The following PON1 variants were observed in gnomAD, a reference collection of about 807,000 sequenced individuals.
PON1 encodes paraoxonase 1.
PON1 carries 37 observed loss-of-function variants against 39.2 expected under a neutral mutation model. The observed-to-expected ratio is 0.94, with a 90% confidence interval of 0.73 to 1.24. The LOEUF is 1.24. Ranked by LOEUF, PON1 falls within the 50% of genes most tolerant of loss-of-function variation. The pLI is 0.00. For missense variants in PON1, 397 were observed against 413.5 expected (o/e 0.96, Z 0.35); for synonymous variants, 148 against 152.2 (o/e 0.97, Z 0.21).
At position 95,308,155 on chromosome 7, in the gene PON1, T is replaced by C; in HGVS notation, c.554A>G (p.Tyr185Cys). 3 of 1,613,976 alleles carry C rather than the reference T, an allele frequency of 1.9e-6. No individual in the cohort carries two copies. The change falls in exon 6 of 9, where the codon TAT (tyrosine) becomes TGT (cysteine). Residue 185 changes from tyrosine (Y) to cysteine (C), a missense_variant. Tyr to Cys is a radical substitution (Grantham distance 194). Transcript: ENST00000222381. The part of the protein sequence containing the change: ...PEHFYGTNDH[Y>C]FLDPYLQSWE... The stretch of plus-strand genomic sequence containing the variant: ...GGATTGTAAGTAGGGGTCAAGAAAA[T>C]AGTGATCATTTGTGCCATAAAAGTG...
chr7:95,297,868 G>GC lies in PON1; in HGVS notation c.*1075_*1076insG, dbSNP rs1807304660. 2 of 152,142 alleles carry GC rather than the reference G, an allele frequency of 1.3e-5. No individual in the cohort carries two copies. Among genetic ancestry groups the GC allele is most frequent in the Admixed American group, 1.3e-4 (2 of 15,270 alleles). 9.4% of individuals were successfully genotyped at this position (152,142 alleles called of 1,614,324 possible). ...ACACCCTGAAGAAGTAATTCATCATGAAGGTTATACCTTCAAATCAGAAAA... is the reference window on the plus strand; with the variant it reads ...ACACCCTGAAGAAGTAATTCATCATGCAAGGTTATACCTTCAAATCAGAAAA... On this transcript the variant is annotated 3_prime_UTR_variant, in exon 9 of 9. Transcript: ENST00000222381.
intron 8 of PON1, 77 bp downstream of exon 8, chr7:95,302,128 A>ATTT: frequency 3.7e-6 from 4 of 1,070,190 alleles, no homozygotes; most frequent in Non-Finnish European, 5.4e-6. Flanking sequence ...AAAACCAAGA[A>ATTT]TTGAGAATTA....
Position 95,316,770 on chromosome 7 carries a change from C to T in PON1, c.165G>A (p.Leu55=). ...AAGCCAGTCCATTAGGCAGTATCTC[C>T]AAGTCTTCAGAGCCAGTTTCTGCCA... ...VKGIETGSED[L]EILPNGLAFI... is the part of the protein sequence containing the mutation. Residue 55 remains leucine (L), a synonymous_variant, in exon 3 of 9, where the codon TTG becomes TTA. Coordinates refer to ENST00000222381, the MANE Select transcript of PON1 (RefSeq NM_000446.7). The T allele has an allele frequency of 6.2e-7, 1 of 1,613,434 alleles. No individual in the cohort carries two copies. Among genetic ancestry groups the T allele is most frequent in the Non-Finnish European group, 8.5e-7 (1 of 1,179,440 alleles).
In PON1 at chr7:95,324,409, A is replaced by C. The variant is rs146211440; in HGVS notation, c.67T>G (p.Ser23Ala). The C allele has an allele frequency of 3.1e-6, 5 of 1,614,056 alleles. No individual in the cohort carries two copies. Among genetic ancestry groups the C allele is most frequent in the Non-Finnish European group, 4.2e-6 (5 of 1,180,006 alleles). Residue 23 changes from serine to alanine, a missense_variant, in exon 1 of 9, where the codon TCT (serine) becomes GCT (alanine). By Grantham distance (99) the Ser-to-Ala change is moderately conservative. Coordinates refer to ENST00000222381, the MANE Select transcript of PON1 (RefSeq NM_000446.7). ...GLALFRNHQS[S>A]YQTRLNALRE... Reference sequence around the variant, plus strand: ...CACCACAACCCAACTTACTGGTAAGAAGACTGGTGGTTCCTGAAGAGTGCC... The same window carrying C: ...CACCACAACCCAACTTACTGGTAAGCAGACTGGTGGTTCCTGAAGAGTGCC...
chr7:95,301,841 A>C (rs1374897933), intron 8 of PON1, among the ~76,000 whole-genome samples: 1 of 151,566 alleles, frequency 6.6e-6, no homozygotes, highest in Non-Finnish European at 1.5e-5. Flanking sequence ...TAATCCCGGC[A>C]CTTTGGGAGG....
At chr7:95,303,625 A>T (rs990404831) in intron 7 of PON1, among the ~76,000 whole-genome samples, 3 of 152,178 alleles carry the variant, frequency 2.0e-5, no homozygotes, top group African/African-American at 7.2e-5. Flanking sequence ...CCTGGAGAGC[A>T]CCAGGTACCC....
At position 95,316,600 on chromosome 7, in the gene PON1, A is replaced by G. The variant is rs143707057; in HGVS notation, c.201+134T>C. 137 of 813,914 alleles carry G rather than the reference A, an allele frequency of 1.7e-4. No homozygotes were observed. In the African/African-American group the frequency reaches 1.8e-3, roughly 11 times the overall value. The allele number at this position is 813,914 out of a possible 1,614,324, so 50.4% of individuals were successfully genotyped here. On this transcript the variant is annotated intron_variant, in intron 3 of 8. Coordinates refer to ENST00000222381, the MANE Select transcript of PON1 (RefSeq NM_000446.7). ...TAGCACAAGTGTAAATGCATACACA[A>G]TTTGTCTTTTAAACCATGACTGTTC... is the stretch of plus-strand genomic sequence containing the variant.
chr7:95,317,162 ATACT>A (rs1276640262), intron 2 of PON1, among the ~76,000 whole-genome samples: 3 of 152,196 alleles, frequency 2.0e-5, no homozygotes, highest in Admixed American at 6.5e-5. Context: ...ATATATGTTG[ATACT>A]TAATACTTCC....
At position 95,311,559 on chromosome 7, in the gene PON1, A is replaced by G. The variant is rs1807655597; in HGVS notation, c.389T>C (p.Leu130Pro). The change falls in exon 5 of 9, where the codon CTG (leucine) becomes CCG (proline). Residue 130 changes from leucine to proline, a missense_variant. Physicochemically the swap from Leu to Pro is moderately conservative, Grantham distance 98. Coordinates refer to ENST00000222381, the MANE Select transcript of PON1 (RefSeq NM_000446.7). ...FTDEDNAMYL[L>P]VVNHPDAKST... ...CTTGGCATCTGGATGGTTCACCACC[A>G]GGAGGTACATGGCATTATCTGAGAG... 1 of 1,614,004 alleles carries G rather than the reference A, an allele frequency of 6.2e-7. No individual in the cohort carries two copies. Among genetic ancestry groups the G allele is most frequent in the Non-Finnish European group, 8.5e-7 (1 of 1,179,950 alleles).
Position 95,305,034 on chromosome 7 carries a change from C to T in PON1, c.780+1251G>A, listed in dbSNP as rs553894214. On this transcript the variant is annotated intron_variant, in intron 7 of 8. Transcript: ENST00000222381. ...TTTTTATTCCCTTAGCCAGTATGAG[C>T]GTGTGAAATTCCATTTTACTTGAGC... Among the ~76,000 whole-genome samples the T allele has an allele frequency of 1.7e-4, 26 of 152,282 alleles. No homozygotes were observed. The South Asian group carries it at 5.0e-3, about 29-fold the overall frequency.
chr7:95,322,324 ATATGTATG>A (rs1404868602), intron 1 of PON1, among the ~76,000 whole-genome samples: 2 of 56,638 alleles, frequency 3.5e-5, no homozygotes, highest in Non-Finnish European at 7.3e-5. Flanking sequence ...AAATATAAAT[ATATGTATG>A]TGTGTGTGTG....
In PON1 at chr7:95,308,475, CGTGT is replaced by C. The variant is rs10548570; in HGVS notation, c.498-268_498-265del. On this transcript the variant is annotated intron_variant, in intron 5 of 8. Transcript: ENST00000222381. The stretch of plus-strand genomic sequence containing the variant: ...TATGTATCTTAAAATAGTGTTACGT[CGTGT>C]GTGTGTGTGTGTGTGTGTGTGTGTG... 0.091 allele frequency among the ~76,000 whole-genome samples: 13,338 copies of C among 146,902 alleles called. 815 individuals are homozygous for C. Among genetic ancestry groups the C allele is most frequent in the African/African-American group, 0.18 (7,400 of 40,078 alleles).
At position 95,306,330 on chromosome 7, in the gene PON1, A is replaced by G. The variant is rs761997517; in HGVS notation, c.735T>C (p.Ile245=). 5.3e-5 allele frequency: 86 copies of G among 1,613,058 alleles called. No homozygotes were observed. The South Asian group carries it at 9.3e-4, about 18-fold the overall frequency. ...AATTAGCATGCTTTTCATACACATG[A>G]ATCTTATGAGCCAGCAACTCAGCTA... The part of the protein sequence containing the change: ...VYIAELLAHK[I]HVYEKHANWT... Residue 245 remains isoleucine (I), a synonymous_variant, in exon 7 of 9, where the codon ATT becomes ATC. Coordinates refer to ENST00000222381, the MANE Select transcript of PON1 (RefSeq NM_000446.7).
chr7:95,318,391 G>A lies in PON1; in HGVS notation c.77C>T (p.Thr26Ile), dbSNP rs1369299099. 6.2e-7 allele frequency: 1 copy of A among 1,604,886 alleles called. No homozygotes were observed. The highest frequency in any genetic ancestry group is 1.3e-5 in the African/African-American group (1 of 74,688). ...TACCTCTCGGAGAGCATTAAGTCGT[G>A]TTCTGTGGGGGAGAAAGAAATAAAA... Reference protein sequence around the residue: ...LFRNHQSSYQTRLNALREVQP... With the variant: ...LFRNHQSSYQIRLNALREVQP... The change falls in exon 2 of 9, where the codon ACA becomes ATA. Residue 26 changes from threonine to isoleucine, a missense_variant and splice_region_variant. Thr to Ile is a moderately conservative substitution (Grantham distance 89). Transcript: ENST00000222381.
intron 6 of PON1, 126 bp from the exon 7 acceptor site, chr7:95,306,492 A>C: frequency 1.4e-6 from 1 of 734,276 alleles, no homozygotes; most frequent in Non-Finnish European, 2.4e-6. Context: ...AACCCACCTC[A>C]AACACACCAA....
rs1491528427 is a variant in PON1 at position 95,302,122 on chromosome 7, C to CAAAAAA, written c.909+82_909+83insTTTTTT. The CAAAAAA allele has an allele frequency of 3.9e-5, 15 of 383,282 alleles. No individual in the cohort carries two copies. The Admixed American group carries it at 4.9e-4, about 12-fold the overall frequency. 23.7% of individuals were successfully genotyped at this position (383,282 alleles called of 1,614,324 possible). A position where few individuals can be genotyped will look rare whatever the true frequency, so the allele number is the denominator to read the frequency against. ...AAAAAAAAAAAAAAAAAAAAAAAAACCAAGAATTGAGAATTATGTTGTCAA... is the reference window on the plus strand; with the variant it reads ...AAAAAAAAAAAAAAAAAAAAAAAAACAAAAAACAAGAATTGAGAATTATGTTGTCAA... On this transcript the variant is annotated intron_variant, in intron 8 of 8. Transcript: ENST00000222381.
rs1807350860 is a variant in PON1 at position 95,298,892 on chromosome 7, A to C, written c.*52T>G. On this transcript the variant is annotated 3_prime_UTR_variant, in exon 9 of 9. Coordinates refer to ENST00000222381, the MANE Select transcript of PON1 (RefSeq NM_000446.7). ...AACACTGGGTCCTCGGAATATGGCAAGCGGTTGAAATAATGGCCTCAGTTT... is the reference window on the plus strand; with the variant it reads ...AACACTGGGTCCTCGGAATATGGCACGCGGTTGAAATAATGGCCTCAGTTT... 1 of 1,607,018 alleles carries C rather than the reference A, an allele frequency of 6.2e-7. No homozygotes were observed. The highest frequency in any genetic ancestry group is 8.5e-7 in the Non-Finnish European group (1 of 1,173,628).
intron 7 of PON1, 31 bp downstream of exon 7, chr7:95,306,254 T>G (rs768101968): frequency 6.8e-7 from 1 of 1,476,112 alleles, no homozygotes; most frequent in South Asian, 1.1e-5. Context: ...TAATTATCAC[T>G]CTGCAGACTT....
intron 5 of PON1, among the ~76,000 whole-genome samples, chr7:95,310,666 C>CCCT (rs1807633494): frequency 6.6e-6 from 1 of 152,160 alleles, no homozygotes; most frequent in African/African-American, 2.4e-5. Flanking sequence ...ACATACCAGG[C>CCCT]CCTTAGCTAG....
Sources: allele counts gnomAD v4.1 joint callset (sites outside exome capture counted in the v4.1 genomes callset), GRCh38; gene constraint gnomAD v4.1.1; transcripts MANE v1.5; gene names NCBI Gene and HGNC (gene_info 2026-07-23, HGNC 2026-07-21).